NTM: variants seen among roughly 807,000 people sequenced by gnomAD.
NTM encodes IgLON family member 2.
Under a neutral mutation model 42.1 loss-of-function variants are expected in NTM, and 13 were observed. The observed-to-expected ratio is 0.31, with a 90% CI of 0.20 to 0.49. NTM has a LOEUF of 0.49. NTM is among the 20% of genes least tolerant of loss of function. NTM has a pLI of 0.99. For synonymous variants in NTM, 187 were observed against 179.2 expected, an observed-to-expected ratio of 1.04 and a Z score of -0.35; for missense variants, 373 against 452.8, an observed-to-expected ratio of 0.82 and a Z score of 1.60.
intron 2 of NTM, among the ~76,000 whole-genome samples, chr11:132,030,020 A>G (rs907370906): frequency 6.6e-6 from 1 of 152,182 alleles, no homozygotes; most frequent in Admixed American, 6.5e-5. Context: ...TTTTTCTAAA[A>G]TATATTATTG....
At chr11:132,038,854 C>A (rs531264777) in intron 2 of NTM, among the ~76,000 whole-genome samples, 1 of 152,212 alleles carries the variant, frequency 6.6e-6, no homozygotes, top group African/African-American at 2.4e-5. Context: ...CTGCACTCAG[C>A]GTCTCCCTCT....
chr11:132,207,692 G>A (rs1218954164), intron 3 of NTM, among the ~76,000 whole-genome samples: 1 of 152,148 alleles, frequency 6.6e-6, no homozygotes, highest in South Asian at 2.1e-4. Flanking sequence ...GCCACAAAAT[G>A]TCTTACTGAT....
At chr11:131,677,875 G>A (rs1049231354) in intron 1 of NTM, among the ~76,000 whole-genome samples, 6 of 152,128 alleles carry the variant, frequency 3.9e-5, no homozygotes, top group African/African-American at 1.4e-4. Flanking sequence ...ATAACACAGA[G>A]CCTTGTGACA....
At chr11:131,655,912 G>A (rs1007037604) in intron 1 of NTM, among the ~76,000 whole-genome samples, 3 of 152,176 alleles carry the variant, frequency 2.0e-5, no homozygotes, top group Non-Finnish European at 4.4e-5. Context: ...TGGCCATCTG[G>A]GCACCTGCCC....
At chr11:131,888,754 G>A (rs1181289834) in intron 1 of NTM, among the ~76,000 whole-genome samples, 2 of 152,122 alleles carry the variant, frequency 1.3e-5, no homozygotes, top group Non-Finnish European at 2.9e-5. Flanking sequence ...GGGGTAAAGG[G>A]AGCAGGATTT....
intron 1 of NTM, among the ~76,000 whole-genome samples, chr11:131,774,488 T>A (rs1333772015): frequency 6.6e-6 from 1 of 152,230 alleles, no homozygotes; most frequent in Admixed American, 6.5e-5. Context: ...TCTGAAATAG[T>A]CTTCTCCACT....
At chr11:132,115,647 C>T (rs116349080) in intron 2 of NTM, among the ~76,000 whole-genome samples, 67 of 152,236 alleles carry the variant, frequency 4.4e-4, no homozygotes, top group African/African-American at 1.4e-3. Flanking sequence ...ACAGTAGCCT[C>T]GGTATTCAGC....
At chr11:131,517,120 T>C (rs1228957592) in intron 1 of NTM, among the ~76,000 whole-genome samples, 1 of 152,212 alleles carries the variant, frequency 6.6e-6, no homozygotes, top group Admixed American at 6.5e-5. Context: ...GATCACAATG[T>C]CTGACTTCTC....
intron 1 of NTM, among the ~76,000 whole-genome samples, chr11:131,681,191 GTGTA>G (rs1414690021): frequency 1.2e-4 from 7 of 57,640 alleles, no homozygotes; most frequent in African/African-American, 3.3e-4. Flanking sequence ...ATGTCTCCCT[GTGTA>G]TGTGAGTGTG....
chr11:132,006,087 G>A (rs375467686), intron 2 of NTM, among the ~76,000 whole-genome samples: 10 of 152,172 alleles, frequency 6.6e-5, no homozygotes, highest in African/African-American at 2.2e-4. Context: ...CTTCTCTTTG[G>A]AAGCCTCATC....
intron 2 of NTM, among the ~76,000 whole-genome samples, chr11:131,930,725 A>G (rs1030263058): frequency 6.6e-6 from 1 of 152,212 alleles, no homozygotes; most frequent in African/African-American, 2.4e-5. Context: ...TACCAAATAT[A>G]TAATTATTCT....
At chr11:131,639,941 G>C (rs1045389112) in intron 1 of NTM, among the ~76,000 whole-genome samples, 1 of 151,916 alleles carries the variant, frequency 6.6e-6, no homozygotes, top group African/African-American at 2.4e-5. Flanking sequence ...GGGTGACAGA[G>C]CGAGACTCCG....
chr11:131,371,426 G>A (rs1160714721), intron 1 of NTM, among the ~76,000 whole-genome samples: 1 of 152,246 alleles, frequency 6.6e-6, no homozygotes. Context: ...ATTTGCAGCA[G>A]TGGGGGACAA....
At chr11:131,381,996 C>T (rs754149443) in intron 1 of NTM, among the ~76,000 whole-genome samples, 7 of 152,226 alleles carry the variant, frequency 4.6e-5, no homozygotes, top group Non-Finnish European at 8.8e-5. Flanking sequence ...CTTTGCAATT[C>T]TGGCAGGCAT....
chr11:131,669,306 C>G (rs2069680055), intron 1 of NTM, among the ~76,000 whole-genome samples: 1 of 152,146 alleles, frequency 6.6e-6, no homozygotes, highest in African/African-American at 2.4e-5. Flanking sequence ...CTGGAATCAG[C>G]CAAGCTGAAA....
chr11:132,101,950 C>A (rs1042883576), intron 2 of NTM, among the ~76,000 whole-genome samples: 2 of 152,176 alleles, frequency 1.3e-5, no homozygotes, highest in Admixed American at 6.5e-5. Context: ...GTAACCTGAT[C>A]TCTCCTCCCT....
chr11:131,555,782 G>A (rs557029829), intron 1 of NTM, among the ~76,000 whole-genome samples: 1 of 152,158 alleles, frequency 6.6e-6, no homozygotes, highest in East Asian at 1.9e-4. Context: ...TGACAACCCC[G>A]TGGGGCACAG....
intron 2 of NTM, among the ~76,000 whole-genome samples, chr11:132,128,758 A>T (rs528305325): frequency 1.2e-4 from 18 of 151,594 alleles, no homozygotes; most frequent in African/African-American, 2.9e-4. Context: ...ACTAAAAAAA[A>T]AATAATAAAA....
At chr11:131,475,728 T>C (rs11222664) in intron 1 of NTM, among the ~76,000 whole-genome samples, 8,647 of 152,180 alleles carry the variant, frequency 0.057, 557 homozygotes, top group East Asian at 0.19. Context: ...CAAAGATAGA[T>C]TGTTTGTTTA....
Sources: gnomAD v4.1 joint callset for allele counts (sites outside exome capture counted in the v4.1 genomes callset) on GRCh38, gnomAD v4.1.1 for gene constraint, MANE v1.5 for transcripts, NCBI Gene and HGNC (gene_info 2026-07-23, HGNC 2026-07-21) for gene names.